The following EPS15L1 variants were observed in gnomAD, a reference collection of about 807,000 sequenced individuals.
EPS15L1 encodes epidermal growth factor receptor pathway substrate 15 like 1.
A neutral mutation model predicts 117.1 loss-of-function variants in EPS15L1; 43 were observed. The observed-to-expected ratio is 0.37, with a 90% CI of 0.29 to 0.47. The LOEUF (loss-of-function observed/expected upper bound fraction) is 0.47. Among genes scored for constraint, EPS15L1 ranks in the 20% least tolerant of loss-of-function variants. The probability of loss-of-function intolerance (pLI) is 0.99; values close to 1 mark genes in which losing one functional copy is unlikely to be tolerated. For synonymous variants in EPS15L1, 459 were observed against 470.5 expected (o/e 0.98, Z 0.32); for missense variants, 981 against 1,164.0 (o/e 0.84, Z 2.29).
chr19:16,393,801 G>A (rs1219926412), intron 18 of EPS15L1, 150 bp downstream of exon 18: 16 of 781,084 alleles, frequency 2.0e-5, no homozygotes, highest in East Asian at 1.6e-4. Flanking sequence ...GAACGGGACC[G>A]AGAATGGGTA....
rs980969227 is a variant in EPS15L1, at chr19:16,401,938, C to T, written c.1791+383G>A. ...CATAGACACATGCCCCTCAGATGTC[C>T]CCTGCCCCCTGATTAGTAGAATGTG... is the stretch of plus-strand genomic sequence containing the variant. On this transcript the variant is annotated intron_variant, in intron 16 of 23. Transcript: ENST00000455140. 1.3e-5 allele frequency: 13 copies of T among 1,021,398 alleles called. No homozygotes were observed. In the African/African-American group the frequency reaches 1.9e-4, roughly 15 times the overall value. The allele number at this position is 1,021,398 out of a possible 1,614,324, so 63.3% of individuals were successfully genotyped here. A position where few individuals can be genotyped will look rare whatever the true frequency, so the allele number is the denominator to read the frequency against.
rs1388547244 is a variant in EPS15L1 at position 16,405,255 on chromosome 19, C to A, written c.1267-506G>T. Among the ~76,000 whole-genome samples, 1 of 152,064 alleles carries A rather than the reference C, an allele frequency of 6.6e-6. No individual in the cohort carries two copies. The highest frequency in any genetic ancestry group is 2.4e-5 in the African/African-American group (1 of 41,410). On this transcript the variant is annotated intron_variant, in intron 13 of 23. Transcript: ENST00000455140. This position sits in a 1 kb window ranked among gnomAD's most constrained non-coding sequence, Gnocchi z 4.0. Reference sequence around the variant, plus strand: ...GCCTGGCGGAGGGAACCACAGGGACCCCAGGGTCGGGGGGTGTCGCACTCC... The same window carrying A: ...GCCTGGCGGAGGGAACCACAGGGACACCAGGGTCGGGGGGTGTCGCACTCC...
chr19:16,415,273 T>C (rs1402519078), intron 12 of EPS15L1, among the ~76,000 whole-genome samples: 5 of 152,170 alleles, frequency 3.3e-5, no homozygotes, highest in Non-Finnish European at 7.4e-5. Context: ...AGGTTGGACT[T>C]TGCAGCCTCC....
intron 16 of EPS15L1, among the ~76,000 whole-genome samples, chr19:16,399,632 C>G (rs2092576372): frequency 6.6e-6 from 1 of 151,396 alleles, no homozygotes; most frequent in South Asian, 2.1e-4. Flanking sequence ...TGGTTGATTT[C>G]AAGTTTCCAA....
At chr19:16,463,625 C>G (rs2145190183) in intron 1 of EPS15L1, among the ~76,000 whole-genome samples, 1 of 152,326 alleles carries the variant, frequency 6.6e-6, no homozygotes, top group South Asian at 2.1e-4. Context: ...ACCTGAGTGC[C>G]AGCTGCAGCC....
At chr19:16,362,742 T>C (rs1380762779) in intron 22 of EPS15L1, among the ~76,000 whole-genome samples, 1 of 152,044 alleles carries the variant, frequency 6.6e-6, no homozygotes, top group East Asian at 1.9e-4. Flanking sequence ...ACTCCTGCCC[T>C]CAAGTCATCT....
Position 16,425,124 on chromosome 19 carries a change from T to C in EPS15L1, c.751A>G (p.Thr251Ala), listed in dbSNP as rs756348557. The C allele has an allele frequency of 6.8e-6, 11 of 1,614,202 alleles. No homozygotes were observed. Among genetic ancestry groups the C allele is most frequent in the Non-Finnish European group, 8.5e-6 (10 of 1,180,030 alleles). ...SHGSVSSLNS[T>A]GSLSPKHSLK... ...CTGTGCTTGGGGGACAGGCTCCCTG[T>C]GCTGTTGAGGCTGCTGACGCTGCCG... The change falls in exon 9 of 24, where the codon ACA becomes GCA. Residue 251 changes from threonine to alanine, a missense_variant. Physicochemically the swap from Thr to Ala is moderately conservative, Grantham distance 58 (BLOSUM62 0). Around this residue, in one of 5 missense-constraint regions of EPS15L1, gnomAD observed 819 missense variants for 949.0 expected, o/e 0.86. Transcript: ENST00000455140.
intron 15 of EPS15L1, 29 bp downstream of exon 15, chr19:16,403,704 T>C (rs1300519654): frequency 9.4e-6 from 15 of 1,592,364 alleles, no homozygotes; most frequent in Admixed American, 1.7e-5. Flanking sequence ...GTCCCTGGCA[T>C]GTGGCAGGGA....
At chr19:16,359,500 G>A (rs913595144) in intron 23 of EPS15L1, among the ~76,000 whole-genome samples, 6 of 152,206 alleles carry the variant, frequency 3.9e-5, no homozygotes, top group Non-Finnish European at 7.3e-5. Context: ...CAGAGTGGCT[G>A]AAGTACACTA....
intron 1 of EPS15L1, among the ~76,000 whole-genome samples, chr19:16,450,785 G>T (rs10414740): frequency 0.028 from 4,223 of 149,360 alleles, 215 homozygotes; most frequent in African/African-American, 0.097. Context: ...GCCTGGCCAG[G>T]GCATGTCCAA....
rs754588694 is a variant in EPS15L1 at position 16,381,534 on chromosome 19, G to A, written c.2247+3595C>T. ...GAAGGCTCCGGCAAGAAGGAAATGA[G>A]GTGCCATGTGACAGGCATCAGTCCA... On this transcript the variant is annotated intron_variant, in intron 21 of 23. Coordinates refer to ENST00000455140, the MANE Select transcript of EPS15L1 (RefSeq NM_001258374.3). The surrounding 1 kb of genome is among the most constrained non-coding windows in gnomAD (Gnocchi z 4.2). 4.2e-4 allele frequency among the ~76,000 whole-genome samples: 64 copies of A among 152,214 alleles called. No homozygotes were observed. Among genetic ancestry groups the A allele is most frequent in the Admixed American group, 1.2e-3 (18 of 15,292 alleles).
At chr19:16,421,217 T>C in intron 10 of EPS15L1, 102 bp downstream of exon 10, 1 of 1,313,250 alleles carries the variant, frequency 7.6e-7, no homozygotes, top group Non-Finnish European at 1.0e-6. Context: ...CGGAAGCCTG[T>C]GACAGGCTGG....
chr19:16,426,051 C>T (rs989256205), intron 8 of EPS15L1, among the ~76,000 whole-genome samples: 1 of 152,150 alleles, frequency 6.6e-6, no homozygotes, highest in Non-Finnish European at 1.5e-5. Flanking sequence ...GGGTGTTGAC[C>T]GTATCAAGGC....
intron 22 of EPS15L1, among the ~76,000 whole-genome samples, chr19:16,364,503 A>T (rs981211479): frequency 5.3e-5 from 8 of 152,220 alleles, no homozygotes; most frequent in Non-Finnish European, 1.0e-4. Flanking sequence ...GAGCAGGGTG[A>T]TCTGGCCCAG....
At chr19:16,444,998 C>T (rs754431113) in intron 1 of EPS15L1, among the ~76,000 whole-genome samples, 8 of 152,188 alleles carry the variant, frequency 5.3e-5, no homozygotes, top group Non-Finnish European at 7.3e-5. Flanking sequence ...GGATTACAGG[C>T]ATGAGCCACC....
At chr19:16,401,527 G>A (rs935916882) in intron 16 of EPS15L1, 1 of 985,706 alleles carries the variant, frequency 1.0e-6, no homozygotes, top group Non-Finnish European at 1.2e-6. Flanking sequence ...ATCCAGACAT[G>A]CGCGGCCCGG....
At position 16,405,686 on chromosome 19, in the gene EPS15L1, A is replaced by T. The variant is rs1249514556; in HGVS notation, c.1267-937T>A. ...TTGCCTTACAGTGGGACATGAGCACACTGCATTTGTGCGAACGGGAAGGGG... is the reference window on the plus strand; with the variant it reads ...TTGCCTTACAGTGGGACATGAGCACTCTGCATTTGTGCGAACGGGAAGGGG... On this transcript the variant is annotated intron_variant, in intron 13 of 23. Transcript: ENST00000455140. This position sits in a 1 kb window ranked among gnomAD's most constrained non-coding sequence, Gnocchi z 4.0. 6.6e-6 allele frequency among the ~76,000 whole-genome samples: 1 copy of T among 152,216 alleles called. No individual in the cohort carries two copies. Among genetic ancestry groups the T allele is most frequent in the Non-Finnish European group, 1.5e-5 (1 of 68,034 alleles).
At chr19:16,385,711 AAAAG>A (rs1568406899) in intron 20 of EPS15L1, among the ~76,000 whole-genome samples, 1 of 152,150 alleles carries the variant, frequency 6.6e-6, no homozygotes, top group Non-Finnish European at 1.5e-5. Flanking sequence ...GCCTGTTCCC[AAAAG>A]AAAGGGGGTG....
intron 22 of EPS15L1, 56 bp downstream of exon 22, chr19:16,377,066 T>G: frequency 2.6e-6 from 4 of 1,541,268 alleles, no homozygotes; most frequent in Non-Finnish European, 3.5e-6. Flanking sequence ...GAGGCCCTGG[T>G]CCCCCGCCAT....
Sources: gnomAD v4.1 joint callset for allele counts (sites outside exome capture counted in the v4.1 genomes callset) on GRCh38, gnomAD v4.1.1 for gene constraint, gnomAD v4.1.1 regional missense constraint, Gnocchi (gnomAD v3.1) non-coding constraint, MANE v1.5 for transcripts, NCBI Gene and HGNC (gene_info 2026-07-23, HGNC 2026-07-21) for gene names.